FNBP4: variants seen among roughly 807,000 people sequenced by gnomAD.
FNBP4 encodes formin-binding protein 4.
Under a neutral mutation model 119.3 loss-of-function variants are expected in FNBP4, and 34 were observed. The observed-to-expected ratio is 0.28, with a 90% CI of 0.22 to 0.38. The LOEUF (loss-of-function observed/expected upper bound fraction) is 0.38, where lower values mean the gene tolerates loss of function less well. Among genes scored for constraint, FNBP4 ranks in the 10% least tolerant of loss-of-function variants. The pLI is 1.00. For synonymous variants in FNBP4, 462 were observed against 430.6 expected (o/e 1.07, Z -0.90); for missense variants, 1,112 against 1,228.9 (o/e 0.90, Z 1.42).
chr11:47,746,182 T>C lies in FNBP4; in HGVS notation c.1119A>G (p.Glu373=), dbSNP rs1168500454. The part of the protein sequence containing the change: ...EEATTIVKPQ[E]IMLDNIEDPS... ...GGTCTTCTATATTGTCCAACATAAT[T>C]TCCTGTGGCTTTACTATTGTTGTTG... is the stretch of plus-strand genomic sequence containing the variant. Residue 373 remains glutamate, a synonymous_variant, in exon 7 of 17, where the codon GAA becomes GAG. Coordinates refer to ENST00000263773, the MANE Select transcript of FNBP4 (RefSeq NM_015308.5). The C allele has an allele frequency of 8.1e-6, 13 of 1,614,192 alleles. No homozygotes were observed. Among genetic ancestry groups the C allele is most frequent in the Non-Finnish European group, 1.1e-5 (13 of 1,180,030 alleles).
Position 47,752,990 on chromosome 11 carries a change from G to A in FNBP4, c.563C>T (p.Ser188Phe), listed in dbSNP as rs745983054. Residue 188 changes from serine (S) to phenylalanine (F), a missense_variant, in exon 4 of 17, where the codon TCT (serine) becomes TTT (phenylalanine). Physicochemically the swap from Ser to Phe is radical, Grantham distance 155 (BLOSUM62 -2). This residue lies in a region of FNBP4 where 826 missense variants were observed against 988.8 expected (regional missense o/e 0.84). Transcript: ENST00000263773. ...GGAGTCTGTTCCATTTGAAGTAGAA[G>A]AAGAAAGGGTAGATGTTGCTGCTTC... ...PKEAATSTLS[S>F]STSNGTDSTQ... 1.9e-6 allele frequency: 3 copies of A among 1,614,172 alleles called. No individual in the cohort carries two copies. Among genetic ancestry groups the A allele is most frequent in the Non-Finnish European group, 2.5e-6 (3 of 1,180,008 alleles).
In FNBP4 at chr11:47,752,985, TAGA is replaced by T. The variant is rs777152964; in HGVS notation, c.565_567del (p.Ser189del). 2.0e-5 allele frequency: 33 copies of T among 1,613,982 alleles called. No homozygotes were observed. Among genetic ancestry groups the T allele is most frequent in the African/African-American group, 1.6e-4 (12 of 74,904 alleles). On this transcript the variant is annotated inframe_deletion, in exon 4 of 17. Transcript: ENST00000263773. ...TGGGTGGAGTCTGTTCCATTTGAAGTAGAAGAAGAAAGGGTAGATGTTGCTGCT... is the reference window on the plus strand; with the variant it reads ...TGGGTGGAGTCTGTTCCATTTGAAGTAGAAGAAAGGGTAGATGTTGCTGCT...
chr11:47,725,338 A>G (rs1444355237), intron 12 of FNBP4: 3 of 152,264 alleles, frequency 2.0e-5, no homozygotes, highest in Non-Finnish European at 4.4e-5. Context: ...CAGAATATTC[A>G]TTCAAAATAC....
chr11:47,760,364 C>T (rs1400117524), intron 2 of FNBP4, among the ~76,000 whole-genome samples: 4 of 150,134 alleles, frequency 2.7e-5, no homozygotes, highest in Non-Finnish European at 5.9e-5. Flanking sequence ...TGGGTTCAAG[C>T]GACTCTCCTG....
intron 13 of FNBP4, 35 bp from the exon 14 acceptor site, chr11:47,724,207 G>T: frequency 6.2e-7 from 1 of 1,611,462 alleles, no homozygotes; most frequent in Non-Finnish European, 8.5e-7. Flanking sequence ...GTGGCTGAAG[G>T]CCATGGTTAA....
chr11:47,722,200 GTATCTGACAAATA>G (rs1349290796), intron 15 of FNBP4, among the ~76,000 whole-genome samples: 1 of 149,046 alleles, frequency 6.7e-6, no homozygotes, highest in African/African-American at 2.5e-5. Flanking sequence ...CCTAGGGAGA[GTATCTGACAAATA>G]TATTAGATAT....
chr11:47,731,289 CA>C (rs2097567104), intron 12 of FNBP4, 84 bp downstream of exon 12: 1 of 1,277,794 alleles, frequency 7.8e-7, no homozygotes, highest in Non-Finnish European at 1.1e-6. Context: ...ATTATTATGA[CA>C]TAAAATCTTT....
intron 2 of FNBP4, among the ~76,000 whole-genome samples, chr11:47,761,869 G>C (rs911279853): frequency 6.6e-6 from 1 of 151,086 alleles, no homozygotes; most frequent in African/African-American, 2.4e-5. Flanking sequence ...ACAGAGTTTC[G>C]CTCTTGTTGC....
At chr11:47,728,445 A>G (rs909545920) in intron 12 of FNBP4, among the ~76,000 whole-genome samples, 1 of 151,846 alleles carries the variant, frequency 6.6e-6, no homozygotes, top group African/African-American at 2.4e-5. Flanking sequence ...AGACAGGGTG[A>G]TACCATGTTG....
At chr11:47,766,943 G>C in intron 1 of FNBP4, 126 bp downstream of exon 1, 1 of 1,372,462 alleles carries the variant, frequency 7.3e-7, no homozygotes, top group Non-Finnish European at 9.3e-7. Context: ...CCCGCCTGCA[G>C]GCCCGCAGCA....
intron 9 of FNBP4, 89 bp from the exon 10 acceptor site, chr11:47,734,218 A>G: frequency 6.0e-6 from 4 of 669,266 alleles, no homozygotes; most frequent in Non-Finnish European, 9.6e-6. Flanking sequence ...TATAGATATT[A>G]GAAATATGGG....
rs1382814151 is a variant in FNBP4 at position 47,716,733 on chromosome 11, T to C, written c.*689A>G. ...CATTCACATAAAGAAAGGAGGTGAA[T>C]TTTGTTTTGGAACAGGGTTAAGACA... On this transcript the variant is annotated 3_prime_UTR_variant, in exon 17 of 17. Transcript: ENST00000263773. The C allele has an allele frequency of 6.6e-6, 1 of 152,590 alleles. No homozygotes were observed. The highest frequency in any genetic ancestry group is 1.5e-5 in the Non-Finnish European group (1 of 68,030). The allele number at this position is 152,590 out of a possible 1,614,324, so 9.5% of individuals were successfully genotyped here.
intron 9 of FNBP4, 96 bp downstream of exon 9, chr11:47,736,520 A>G (rs1263484911): frequency 1.0e-6 from 1 of 993,580 alleles, no homozygotes; most frequent in African/African-American, 1.7e-5. Context: ...AGATCGTGCC[A>G]CTGCACTCCA....
chr11:47,725,517 A>C (rs1176632463), intron 12 of FNBP4: 2 of 152,412 alleles, frequency 1.3e-5, no homozygotes, highest in Non-Finnish European at 2.9e-5. Flanking sequence ...CTTTTGCGAT[A>C]AAAGAGAAAT....
Position 47,767,221 on chromosome 11 carries a change from C to G in FNBP4, c.68G>C (p.Arg23Pro). Residue 23 changes from arginine (R) to proline (P), a missense_variant, in exon 1 of 17, where the codon CGG becomes CCG. Transcript: ENST00000263773. ...PILQLSPPGP[R>P]GSTPGRDPEP... Reference sequence around the variant, plus strand: ...CGGGTCCCGGCCCGGCGTGCTGCCCCGAGGACCCGGCGGAGAGAGTTGCAG... The same window carrying G: ...CGGGTCCCGGCCCGGCGTGCTGCCCGGAGGACCCGGCGGAGAGAGTTGCAG... 2.5e-6 allele frequency: 4 copies of G among 1,569,714 alleles called. No individual in the cohort carries two copies. In the South Asian group the frequency reaches 3.5e-5, roughly 14 times the overall value.
At chr11:47,749,638 C>T (rs1373007763) in intron 6 of FNBP4, among the ~76,000 whole-genome samples, 1 of 152,126 alleles carries the variant, frequency 6.6e-6, no homozygotes, top group Admixed American at 6.6e-5. Context: ...TCAATATACA[C>T]TCCCTAAGGA....
Position 47,717,366 on chromosome 11 carries a change from CTT to C in FNBP4, c.*54_*55del, listed in dbSNP as rs2135053173. On this transcript the variant is annotated 3_prime_UTR_variant, in exon 17 of 17. Coordinates refer to ENST00000263773, the MANE Select transcript of FNBP4 (RefSeq NM_015308.5). ...TATTTGACAATAAAACTGGTTAAGA[CTT>C]TGAACTGAACACAAAACAAACAATA... The C allele has an allele frequency of 1.6e-6, 2 of 1,228,984 alleles. No homozygotes were observed. The highest frequency in any genetic ancestry group is 2.6e-5 in the South Asian group (2 of 78,278). The allele number at this position is 1,228,984 out of a possible 1,614,324, so 76.1% of individuals were successfully genotyped here. A position where few individuals can be genotyped will look rare whatever the true frequency, so the allele number is the denominator to read the frequency against.
intron 16 of FNBP4, among the ~76,000 whole-genome samples, chr11:47,719,127 A>G (rs2097552662): frequency 2.0e-5 from 3 of 152,130 alleles, no homozygotes; most frequent in Non-Finnish European, 2.9e-5. Context: ...TGACCTCGTG[A>G]TCCACCCGCC....
chr11:47,752,972 G>C lies in FNBP4; in HGVS notation c.581C>G (p.Thr194Arg). 1 of 1,614,174 alleles carries C rather than the reference G, an allele frequency of 6.2e-7. No homozygotes were observed. Among genetic ancestry groups the C allele is most frequent in the Non-Finnish European group, 8.5e-7 (1 of 1,180,000 alleles). The change falls in exon 4 of 17, where the codon ACA becomes AGA. Residue 194 changes from threonine to arginine, a missense_variant. By Grantham distance (71) the Thr-to-Arg change is moderately conservative. Around this residue, in one of 2 missense-constraint regions of FNBP4, gnomAD observed 826 missense variants for 988.8 expected, o/e 0.84. Transcript: ENST00000263773. ...STLSSSTSNG[T>R]DSTQTSGWQY... ...CCAACCAGATGTTTGGGTGGAGTCT[G>C]TTCCATTTGAAGTAGAAGAAGAAAG...
Sources: gnomAD v4.1 joint callset for allele counts (sites outside exome capture counted in the v4.1 genomes callset) on GRCh38, gnomAD v4.1.1 for gene constraint, gnomAD v4.1.1 regional missense constraint, MANE v1.5 for transcripts, NCBI Gene and HGNC (gene_info 2026-07-23, HGNC 2026-07-21) for gene names.